The following SBF2 variants were observed in gnomAD, a reference collection of about 807,000 sequenced individuals.
The protein encoded by SBF2 is SET binding factor 2.
Under a neutral mutation model 225.2 loss-of-function variants are expected in SBF2, and 112 were observed. That is an observed-to-expected ratio of 0.50 (90% confidence interval 0.43 to 0.58). The LOEUF (loss-of-function observed/expected upper bound fraction) is 0.58. Among genes scored for constraint, SBF2 ranks in the 20% least tolerant of loss-of-function variants. SBF2 has a pLI of 0.00. For synonymous variants in SBF2, 763 were observed against 773.3 expected (o/e 0.99, Z 0.22); for missense variants, 1,996 against 2,206.2 (o/e 0.90, Z 1.91).
chr11:9,935,292 A>G (rs1864810751), intron 16 of SBF2, among the ~76,000 whole-genome samples: 1 of 152,196 alleles, frequency 6.6e-6, no homozygotes, highest in South Asian at 2.1e-4. Context: ...CCATTGCTCA[A>G]CGAAATAAAA....
intron 1 of SBF2, among the ~76,000 whole-genome samples, chr11:10,208,295 TCTC>T (rs1334654327): frequency 6.6e-6 from 1 of 152,052 alleles, no homozygotes; most frequent in Non-Finnish European, 1.5e-5. Context: ...CAGACCAAAA[TCTC>T]CTCCAGATAG....
At chr11:10,108,533 T>C (rs1952668317) in intron 2 of SBF2, among the ~76,000 whole-genome samples, 1 of 142,980 alleles carries the variant, frequency 7.0e-6, no homozygotes. Context: ...TTTTTTTTTT[T>C]TTTTTTTTTG....
chr11:10,240,597 G>A lies in SBF2; in HGVS notation c.56-46610C>T, dbSNP rs920000143. Among the ~76,000 whole-genome samples, 86 of 152,232 alleles carry A rather than the reference G, an allele frequency of 5.6e-4. 1 individual carries two copies. The highest frequency in any genetic ancestry group is 2.0e-3 in the African/African-American group (82 of 41,552). The stretch of plus-strand genomic sequence containing the variant: ...GGTGGTATGACTAAAACCCAGAGAA[G>A]TAAAAAGCAAAATATAATTGCAACT... On this transcript the variant is annotated intron_variant, in intron 1 of 39. Transcript: ENST00000256190.
intron 16 of SBF2, among the ~76,000 whole-genome samples, chr11:9,915,160 A>T (rs545553567): frequency 1.9e-4 from 29 of 152,178 alleles, no homozygotes; most frequent in Non-Finnish European, 3.1e-4. Context: ...GAGTACTTGA[A>T]AAAGAAGGCC....
chr11:9,996,347 T>C (rs915011920), intron 9 of SBF2, among the ~76,000 whole-genome samples: 2 of 152,218 alleles, frequency 1.3e-5, no homozygotes, highest in African/African-American at 4.8e-5. Flanking sequence ...ATGTAGTTAA[T>C]ATTTTTCTTT....
At chr11:9,917,804 C>T (rs1027041973) in intron 16 of SBF2, among the ~76,000 whole-genome samples, 2 of 151,438 alleles carry the variant, frequency 1.3e-5, no homozygotes. Flanking sequence ...CTCCTCAGCT[C>T]CATCTGACCG....
At chr11:10,201,171 T>C (rs1957557688) in intron 1 of SBF2, among the ~76,000 whole-genome samples, 1 of 152,218 alleles carries the variant, frequency 6.6e-6, no homozygotes, top group South Asian at 2.1e-4. Context: ...ATTTACTCAT[T>C]TTAATAGAAT....
chr11:10,217,209 T>A (rs1271040974), intron 1 of SBF2, among the ~76,000 whole-genome samples: 1 of 152,206 alleles, frequency 6.6e-6, no homozygotes, highest in Non-Finnish European at 1.5e-5. Flanking sequence ...CCATCCTTCA[T>A]ATTGGAGAAC....
At chr11:9,801,117 T>C (rs1853468214) in intron 32 of SBF2, among the ~76,000 whole-genome samples, 1 of 152,240 alleles carries the variant, frequency 6.6e-6, no homozygotes, top group African/African-American at 2.4e-5. Flanking sequence ...AAATTAATTC[T>C]ATGTCAGCAT....
chr11:10,051,650 T>G (rs1950068808), intron 2 of SBF2, among the ~76,000 whole-genome samples: 1 of 152,110 alleles, frequency 6.6e-6, no homozygotes, highest in Non-Finnish European at 1.5e-5. Flanking sequence ...CATTTAAAAA[T>G]ACCATTAGAA....
rs1964612690 is a variant in SBF2, at chr11:10,303,093, G to A, written n.386+1399C>T. The A allele has an allele frequency of 6.6e-6, 1 of 152,414 alleles. No homozygotes were observed. Among genetic ancestry groups the A allele is most frequent in the Non-Finnish European group, 1.5e-5 (1 of 68,158 alleles). The allele number at this position is 152,414 out of a possible 1,614,324, so 9.4% of individuals were successfully genotyped here. A position where few individuals can be genotyped will look rare whatever the true frequency, so the allele number is the denominator to read the frequency against. ...AAAGTGAAAGGAAAAGGAAATGGGA[G>A]ACAAGGGAGAAGAACAATAGTTAGG... On this transcript the variant is annotated intron_variant and non_coding_transcript_variant, in intron 1 of 5. Transcript: ENST00000685217. This position sits in a 1 kb window ranked among gnomAD's most constrained non-coding sequence, Gnocchi z 5.2.
chr11:9,989,988 A>G (rs1419203211), intron 12 of SBF2, among the ~76,000 whole-genome samples: 1 of 152,208 alleles, frequency 6.6e-6, no homozygotes, highest in Non-Finnish European at 1.5e-5. Flanking sequence ...CTCTGCTGAC[A>G]GTGTGTGATC....
chr11:10,133,254 C>T lies in SBF2; in HGVS notation c.141+60648G>A, dbSNP rs941178407. Among the ~76,000 whole-genome samples the T allele has an allele frequency of 3.3e-4, 49 of 149,508 alleles. 1 individual carries two copies. Among genetic ancestry groups the T allele is most frequent in the Non-Finnish European group, 6.2e-4 (42 of 67,482 alleles). On this transcript the variant is annotated intron_variant, in intron 2 of 39. Transcript: ENST00000256190. ...CCAGCTGGCTTCACCTAGTGGATCC[C>T]GCGTAGGGGCTGCAGGTGGAGCTGC...
chr11:10,104,495 G>A (rs1333989103), intron 2 of SBF2, among the ~76,000 whole-genome samples: 6 of 152,292 alleles, frequency 3.9e-5, no homozygotes, highest in East Asian at 1.9e-4. Flanking sequence ...CCTAACTTCC[G>A]CAACGTAGGT....
chr11:10,104,948 T>A (rs529447476), intron 2 of SBF2, among the ~76,000 whole-genome samples: 2 of 152,342 alleles, frequency 1.3e-5, no homozygotes, highest in African/African-American at 4.8e-5. Flanking sequence ...GTCCACTTGG[T>A]CACAGCATAT....
intron 9 of SBF2, among the ~76,000 whole-genome samples, chr11:9,994,461 C>G (rs1326393851): frequency 6.9e-6 from 1 of 144,108 alleles, no homozygotes. Context: ...GGCGACAGAG[C>G]GAGACTCCAT....
intron 27 of SBF2, among the ~76,000 whole-genome samples, chr11:9,831,614 T>C (rs1855405430): frequency 6.6e-6 from 1 of 152,174 alleles, no homozygotes; most frequent in Admixed American, 6.5e-5. Context: ...AGGCAGAAGC[T>C]ATGAGAAAGG....
chr11:10,296,302 G>A (rs1234106188), upstream of SBF2, among the ~76,000 whole-genome samples: 2 of 151,968 alleles, frequency 1.3e-5, no homozygotes, highest in Non-Finnish European at 2.9e-5. Flanking sequence ...CTGTTCTCAC[G>A]GTGCTAATAA....
At chr11:9,882,842 C>T (rs4498988) in intron 17 of SBF2, among the ~76,000 whole-genome samples, 39,311 of 145,734 alleles carry the variant, frequency 0.27, 6,358 homozygotes, top group African/African-American at 0.46. Flanking sequence ...AACCCATTAT[C>T]TTCTCTTGCA....
Sources: allele counts gnomAD v4.1 joint callset (sites outside exome capture counted in the v4.1 genomes callset), GRCh38; gene constraint gnomAD v4.1.1; non-coding constraint Gnocchi (gnomAD v3.1); transcripts MANE v1.5; gene names NCBI Gene and HGNC (gene_info 2026-07-23, HGNC 2026-07-21).